Variants in CAPNS1 observed in about 807,000 individuals in gnomAD.
CAPNS1 encodes calpain small subunit 1, also known as CANP small subunit.
In CAPNS1, 32 loss-of-function variants were observed where a neutral mutation model predicts 39.2. The ratio of observed to expected loss-of-function variants is 0.82; its 90% CI spans 0.62 to 1.10. The LOEUF is 1.10. CAPNS1 is among the 50% of genes least tolerant of loss of function. CAPNS1 has a pLI of 0.00. For synonymous variants in CAPNS1, 153 were observed against 136.2 expected (o/e 1.12, Z -0.86); for missense variants, 353 against 373.1 (o/e 0.95, Z 0.44).
chr19:36,146,121 C>T (rs1284453584), intron 8 of CAPNS1, 67 bp downstream of exon 8: 1 of 1,585,670 alleles, frequency 6.3e-7, no homozygotes, highest in Non-Finnish European at 8.7e-7. Flanking sequence ...CTCAGCTGGT[C>T]TGGGCCTGAC....
At chr19:36,146,472 G>A (rs1974572312) in intron 9 of CAPNS1, among the ~76,000 whole-genome samples, 160 bp downstream of exon 9, 1 of 152,212 alleles carries the variant, frequency 6.6e-6, no homozygotes, top group Non-Finnish European at 1.5e-5. Context: ...GTCTGGTGGA[G>A]GAGACACAAG....
intron 9 of CAPNS1, among the ~76,000 whole-genome samples, chr19:36,147,387 G>A (rs1974606455): frequency 6.6e-6 from 1 of 152,170 alleles, no homozygotes; most frequent in South Asian, 2.1e-4. Flanking sequence ...CAAGTTTGGG[G>A]GTGCTCAAAC....
chr19:36,148,031 C>G (rs903176617), intron 9 of CAPNS1: 1 of 150,420 alleles, frequency 6.6e-6, no homozygotes, highest in Non-Finnish European at 1.5e-5. Context: ...GAGGTCATGC[C>G]ATTGCACTCC....
chr19:36,143,021 G>C (rs199893278), intron 5 of CAPNS1, 43 bp from the exon 6 acceptor site: 1 of 1,611,332 alleles, frequency 6.2e-7, no homozygotes, highest in African/African-American at 1.3e-5. Context: ...GGGTCAGAGA[G>C]GATTTGACCT....
chr19:36,142,758 C>G lies in CAPNS1; in HGVS notation c.333+17C>G. The G allele has an allele frequency of 6.2e-7, 1 of 1,610,054 alleles. No individual in the cohort carries two copies. The highest frequency in any genetic ancestry group is 8.5e-7 in the Non-Finnish European group (1 of 1,176,334). On this transcript the variant is annotated intron_variant, in intron 4 of 10. Coordinates refer to ENST00000246533, the MANE Select transcript of CAPNS1 (RefSeq NM_001749.4). ...GCTGGAGATGTAAGTAACCTGGGGTCCCTGGCCCCGTCCTAACCGTTCCAT... is the reference window on the plus strand; with the variant it reads ...GCTGGAGATGTAAGTAACCTGGGGTGCCTGGCCCCGTCCTAACCGTTCCAT...
intron 2 of CAPNS1, chr19:36,141,707 G>A (rs1974381908): frequency 1.6e-6 from 1 of 612,308 alleles, no homozygotes; most frequent in African/African-American, 2.0e-5. Flanking sequence ...CCCAGAATGG[G>A]CTGGGCTTGC....
At chr19:36,146,426 G>A in intron 9 of CAPNS1, 114 bp downstream of exon 9, 1 of 747,454 alleles carries the variant, frequency 1.3e-6, no homozygotes. Flanking sequence ...AGTGGTGATT[G>A]AATCAGTTCC....
rs781574785 is a variant in CAPNS1, at chr19:36,140,981, C to T, written c.-15-16C>T. 1.9e-6 allele frequency: 3 copies of T among 1,600,056 alleles called. No individual in the cohort carries two copies. The highest frequency in any genetic ancestry group is 2.3e-5 in the East Asian group (1 of 42,610). On this transcript the variant is annotated splice_polypyrimidine_tract_variant and intron_variant, in intron 1 of 10. Transcript: ENST00000246533. ...TCAGGGGCGAAGCACCCACTGGTCC[C>T]CTTTTTTCCCCCCAGCAGTGAGTCG...
In CAPNS1 at chr19:36,142,345, C is replaced by T. The variant is rs1421005640; in HGVS notation, c.243+12C>T. On this transcript the variant is annotated intron_variant, in intron 3 of 10. Coordinates refer to ENST00000246533, the MANE Select transcript of CAPNS1 (RefSeq NM_001749.4). ...ACCCGGAGCCCCCGGTAAGCCCCCT[C>T]TGCAACCAGACCCCCTTCTCCTGCC... 2 of 1,491,910 alleles carry T rather than the reference C, an allele frequency of 1.3e-6. No homozygotes were observed. The highest frequency in any genetic ancestry group is 1.4e-5 in the African/African-American group (1 of 71,868). 92.4% of individuals were successfully genotyped at this position (1,491,910 alleles called of 1,614,324 possible).
chr19:36,141,528 C>T, intron 2 of CAPNS1: 5 of 1,203,572 alleles, frequency 4.2e-6, no homozygotes, highest in South Asian at 3.6e-5. Context: ...GGTCTGGGCT[C>T]AGCCTGCATT....
At chr19:36,141,534 G>C (rs567322725) in intron 2 of CAPNS1, 5 of 1,193,928 alleles carry the variant, frequency 4.2e-6, no homozygotes, top group Non-Finnish European at 5.2e-6. Context: ...GGCTCAGCCT[G>C]CATTGGCTAA....
Position 36,141,232 on chromosome 19 carries a change from A to ACTATCAGAGGGGCGGGGC in CAPNS1, c.209+15_209+32dup, listed in dbSNP as rs1568390330. ...ATCAGCGCCATCAGGTAAGGCGGAGACTATCAGAGGGGCGGGGCCTGGGAA... is the reference window on the plus strand; with the variant it reads ...ATCAGCGCCATCAGGTAAGGCGGAGACTATCAGAGGGGCGGGGCCTATCAGAGGGGCGGGGCCTGGGAA... On this transcript the variant is annotated intron_variant, in intron 2 of 10. Coordinates refer to ENST00000246533, the MANE Select transcript of CAPNS1 (RefSeq NM_001749.4). 2.0e-6 allele frequency: 3 copies of ACTATCAGAGGGGCGGGGC among 1,517,066 alleles called. No homozygotes were observed. Among genetic ancestry groups the ACTATCAGAGGGGCGGGGC allele is most frequent in the Non-Finnish European group, 2.6e-6 (3 of 1,138,836 alleles). The allele number at this position is 1,517,066 out of a possible 1,614,324, so 94.0% of individuals were successfully genotyped here. A position where few individuals can be genotyped will look rare whatever the true frequency, so the allele number is the denominator to read the frequency against.
chr19:36,149,019 C>T (rs1286508055), intron 9 of CAPNS1, among the ~76,000 whole-genome samples: 1 of 152,116 alleles, frequency 6.6e-6, no homozygotes, highest in Non-Finnish European at 1.5e-5. Flanking sequence ...GAGCCTCCCT[C>T]TAGTAGCCTG....
intron 9 of CAPNS1, chr19:36,148,412 G>C (rs1229656527): frequency 6.6e-6 from 1 of 151,780 alleles, no homozygotes; most frequent in Non-Finnish European, 1.5e-5. Flanking sequence ...AGTTGCTCGG[G>C]AGGCTGAGGT....
chr19:36,142,990 A>G (rs761276103), intron 5 of CAPNS1, 24 bp downstream of exon 5: 3 of 1,614,052 alleles, frequency 1.9e-6, no homozygotes, highest in South Asian at 1.1e-5. Flanking sequence ...GTTAAGGAAT[A>G]GGGTAGATTC....
intron 7 of CAPNS1, 51 bp downstream of exon 7, chr19:36,145,925 G>T (rs751035565): frequency 1.2e-6 from 2 of 1,612,328 alleles, no homozygotes; most frequent in South Asian, 2.2e-5. Flanking sequence ...AAGCCATGGA[G>T]ACACTATGCC....
In CAPNS1 at chr19:36,149,793, C is replaced by T; in HGVS notation, c.781-20C>T. The T allele has an allele frequency of 6.5e-7, 1 of 1,539,994 alleles. No individual in the cohort carries two copies. The highest frequency in any genetic ancestry group is 2.4e-5 in the East Asian group (1 of 41,150). The stretch of plus-strand genomic sequence containing the variant: ...GCTCTTGGGGTTCCCTGTCCTCACT[C>T]TCCACCCTCCTCTCCCCAGTGGCTG... On this transcript the variant is annotated intron_variant, in intron 10 of 10. Coordinates refer to ENST00000246533, the MANE Select transcript of CAPNS1 (RefSeq NM_001749.4).
chr19:36,141,573 C>A, intron 2 of CAPNS1: 1 of 1,121,134 alleles, frequency 8.9e-7, no homozygotes, highest in Non-Finnish European at 1.1e-6. Context: ...AGGTGCGGAG[C>A]CAATGCGTCT....
At chr19:36,144,198 A>G (rs575077010) in intron 6 of CAPNS1, 2 of 151,246 alleles carry the variant, frequency 1.3e-5, no homozygotes, top group South Asian at 2.1e-4. Flanking sequence ...AAAAGAAAAA[A>G]AAAGAAAAAT....
Sources: allele counts gnomAD v4.1 joint callset (sites outside exome capture counted in the v4.1 genomes callset), GRCh38; gene constraint gnomAD v4.1.1; transcripts MANE v1.5; gene names NCBI Gene and HGNC (gene_info 2026-07-23, HGNC 2026-07-21).